Variants in ARAP2 observed in about 807,000 individuals in gnomAD.
ARAP2 encodes arf-GAP with Rho-GAP domain, ANK repeat and PH domain-containing protein 2.
Under a neutral mutation model 194.5 loss-of-function variants are expected in ARAP2, and 148 were observed. That is an observed-to-expected ratio of 0.76 (90% CI 0.67 to 0.87). ARAP2 has a LOEUF of 0.87. Among genes scored for constraint, ARAP2 ranks in the 40% least tolerant of loss-of-function variants. ARAP2 has a pLI of 0.00. For synonymous variants in ARAP2, 695 were observed against 683.5 expected (o/e 1.02, Z -0.26); for missense variants, 2,128 against 1,989.7 (o/e 1.07, Z -1.32).
intron 9 of ARAP2, among the ~76,000 whole-genome samples, chr4:36,171,740 G>C (rs989270572): frequency 6.6e-6 from 1 of 151,938 alleles, no homozygotes; most frequent in Non-Finnish European, 1.5e-5. Flanking sequence ...GCTAGCTCTT[G>C]TTATTATTAT....
intron 31 of ARAP2, among the ~76,000 whole-genome samples, chr4:36,079,837 G>C (rs887321998): frequency 2.6e-5 from 4 of 152,108 alleles, no homozygotes; most frequent in African/African-American, 9.7e-5. Context: ...CAGGGGTGGA[G>C]AGAGTGGGAG....
chr4:36,013,834 T>TC (rs1715016072), intron 8 of ARAP2, among the ~76,000 whole-genome samples: 1 of 152,142 alleles, frequency 6.6e-6, no homozygotes, highest in Admixed American at 6.5e-5. Flanking sequence ...AGACAGAGAC[T>TC]CTTAATGAGT....
At chr4:36,140,711 C>T (rs951897450) in intron 19 of ARAP2, among the ~76,000 whole-genome samples, 3 of 151,650 alleles carry the variant, frequency 2.0e-5, no homozygotes, top group Admixed American at 6.6e-5. Flanking sequence ...ACTTAGGGTG[C>T]TAATCTCCCA....
chr4:36,016,798 T>C (rs1029673178), intron 6 of ARAP2, among the ~76,000 whole-genome samples: 1 of 152,194 alleles, frequency 6.6e-6, no homozygotes, highest in African/African-American at 2.4e-5. Flanking sequence ...ATTCTTCAAT[T>C]TGAATGACTT....
intron 5 of ARAP2, among the ~76,000 whole-genome samples, chr4:36,040,395 G>A (rs1720649031): frequency 6.6e-6 from 1 of 152,118 alleles, no homozygotes; most frequent in South Asian, 2.1e-4. Context: ...ATTAGTATTT[G>A]GATAGGAATA....
intron 22 of ARAP2, 150 bp downstream of exon 22, chr4:36,124,712 T>G: frequency 2.1e-6 from 1 of 487,426 alleles, no homozygotes; most frequent in East Asian, 3.2e-5. Flanking sequence ...AAATTCCCAG[T>G]GCTATTTATC....
intron 9 of ARAP2, among the ~76,000 whole-genome samples, chr4:36,177,328 G>T (rs1195077498): frequency 6.6e-6 from 1 of 151,818 alleles, no homozygotes; most frequent in Non-Finnish European, 1.5e-5. Flanking sequence ...TTATATAGAC[G>T]TGTGTGTGTA....
chr4:36,047,807 C>T (rs1577654955), intron 3 of ARAP2, among the ~76,000 whole-genome samples: 1 of 152,150 alleles, frequency 6.6e-6, no homozygotes, highest in South Asian at 2.1e-4. Context: ...TTCTTATTAA[C>T]ACTTTTCAGA....
chr4:36,210,331 T>C (rs1746472325), intron 6 of ARAP2, 59 bp downstream of exon 6: 3 of 1,461,688 alleles, frequency 2.1e-6, no homozygotes, highest in Non-Finnish European at 2.8e-6. Context: ...GGTTTAGAAA[T>C]GAATAAACTT....
chr4:36,018,403 C>G (rs1192779103), intron 6 of ARAP2, among the ~76,000 whole-genome samples: 1 of 149,272 alleles, frequency 6.7e-6, no homozygotes, highest in African/African-American at 2.5e-5. Flanking sequence ...ACTGTTGCAA[C>G]CACCATACTT....
intron 9 of ARAP2, among the ~76,000 whole-genome samples, chr4:36,170,956 TG>T (rs1736475896): frequency 6.6e-6 from 1 of 151,310 alleles, no homozygotes; most frequent in Non-Finnish European, 1.5e-5. Flanking sequence ...AAATGCCTGG[TG>T]GCCTGGTGGT....
In ARAP2 at chr4:36,210,415, A is replaced by G. The variant is rs1351822762; in HGVS notation, c.1462T>C (p.Trp488Arg). Residue 488 changes from tryptophan to arginine, a missense_variant, in exon 6 of 33, where the codon TGG (tryptophan) becomes CGG (arginine). Physicochemically the swap from Trp to Arg is moderately radical, Grantham distance 101. Coordinates refer to ENST00000303965, the MANE Select transcript of ARAP2 (RefSeq NM_015230.4). The stretch of plus-strand genomic sequence containing the variant: ...CCTTGAGGAGAGAGTTTATCCAGCC[A>G]TCCTGATTTAACCTTCTTTGCAGAT... Reference protein sequence around the residue: ...GASAKKVKSGWLDKLSPQGKR... With the variant: ...GASAKKVKSGRLDKLSPQGKR... 5.0e-6 allele frequency: 8 copies of G among 1,612,648 alleles called. No homozygotes were observed. The highest frequency in any genetic ancestry group is 1.3e-5 in the African/African-American group (1 of 74,994).
chr4:36,041,519 G>C (rs1720864066), intron 5 of ARAP2, among the ~76,000 whole-genome samples: 1 of 152,116 alleles, frequency 6.6e-6, no homozygotes, highest in Non-Finnish European at 1.5e-5. Context: ...TTACTAAAAA[G>C]TCAAATAATA....
chr4:36,213,549 C>T (rs73229033), intron 3 of ARAP2, among the ~76,000 whole-genome samples: 95 of 152,144 alleles, frequency 6.2e-4, no homozygotes, highest in Non-Finnish European at 1.2e-3. Context: ...ACTCACTGCT[C>T]CTTAAATTGC....
chr4:36,131,418 G>A (rs1399718656), intron 20 of ARAP2, among the ~76,000 whole-genome samples: 2 of 150,408 alleles, frequency 1.3e-5, no homozygotes, highest in African/African-American at 4.9e-5. Flanking sequence ...GACTATATGT[G>A]TATATATATG....
chr4:36,192,168 GTTTTTTTTTTT>G (rs569144058), intron 7 of ARAP2, among the ~76,000 whole-genome samples: 2 of 100,724 alleles, frequency 2.0e-5, no homozygotes, highest in African/African-American at 4.1e-5. Context: ...CAGTGTTTCT[GTTTTTTTTTTT>G]TTTTTTTTTT....
At chr4:36,101,302 C>T (rs1208262232) in intron 27 of ARAP2, among the ~76,000 whole-genome samples, 1 of 151,556 alleles carries the variant, frequency 6.6e-6, no homozygotes, top group African/African-American at 2.4e-5. Context: ...GAACAAGTAG[C>T]CTGTTGACAT....
chr4:36,207,445 C>G (rs564265117), intron 6 of ARAP2, among the ~76,000 whole-genome samples: 1 of 152,262 alleles, frequency 6.6e-6, no homozygotes, highest in African/African-American at 2.4e-5. Flanking sequence ...AATATTTAAA[C>G]AACTTTTCAT....
At chr4:36,028,641 TATTA>T (rs1035759921) in intron 5 of ARAP2, among the ~76,000 whole-genome samples, 109 of 148,030 alleles carry the variant, frequency 7.4e-4, no homozygotes, top group African/African-American at 2.6e-3. Context: ...TCTATTGATT[TATTA>T]ATTATGTTTT....
Sources: gnomAD v4.1 joint callset for allele counts (sites outside exome capture counted in the v4.1 genomes callset) on GRCh38, gnomAD v4.1.1 for gene constraint, MANE v1.5 for transcripts, NCBI Gene and HGNC (gene_info 2026-07-23, HGNC 2026-07-21) for gene names.